Variants in CDK19 observed in about 807,000 individuals in gnomAD.
The protein encoded by CDK19 is cyclin dependent kinase 19, also known as cyclin-dependent kinase 19.
A neutral mutation model predicts 68.3 loss-of-function variants in CDK19; 20 were observed. The observed-to-expected ratio is 0.29, with a 90% CI of 0.21 to 0.43. The LOEUF is 0.43. Ranked by LOEUF, CDK19 falls within the 20% of genes least tolerant of loss-of-function variation. CDK19 has a pLI of 1.00. For missense variants in CDK19, 339 were observed against 623.5 expected, an observed-to-expected ratio of 0.54 and a Z score of 4.86; for synonymous variants, 221 against 222.8, an observed-to-expected ratio of 0.99 and a Z score of 0.07.
At chr6:110,758,003 G>A (rs962966970) in intron 1 of CDK19, among the ~76,000 whole-genome samples, 17 of 152,022 alleles carry the variant, frequency 1.1e-4, no homozygotes, top group Non-Finnish European at 2.5e-4. Context: ...ACCAGCCTGG[G>A]CAACGTGGCA....
At chr6:110,730,948 A>G (rs1306695205) in intron 2 of CDK19, among the ~76,000 whole-genome samples, 1 of 152,108 alleles carries the variant, frequency 6.6e-6, no homozygotes, top group Non-Finnish European at 1.5e-5. Flanking sequence ...GCTACTTGGG[A>G]GGCTGAGGCA....
chr6:110,707,166 T>C (rs958623550), intron 2 of CDK19, among the ~76,000 whole-genome samples: 1 of 151,678 alleles, frequency 6.6e-6, no homozygotes, highest in Non-Finnish European at 1.5e-5. Context: ...TGAAACCCCA[T>C]CTCTACTAAA....
intron 4 of CDK19, among the ~76,000 whole-genome samples, chr6:110,657,747 T>C (rs9487479): frequency 0.014 from 2,115 of 152,266 alleles, 54 homozygotes; most frequent in African/African-American, 0.048. Flanking sequence ...CACAGGCCAC[T>C]AAAACTTTAT....
chr6:110,815,091 C>G lies in CDK19; in HGVS notation c.46G>C (p.Val16Leu). 1 of 1,603,144 alleles carries G rather than the reference C, an allele frequency of 6.2e-7. No homozygotes were observed. Among genetic ancestry groups the G allele is most frequent in the Non-Finnish European group, 8.5e-7 (1 of 1,175,816 alleles). Reference sequence around the variant, plus strand: ...CCTTCGTACTCAAACAAATCCTCCACCCGCTCCCGCTCCGCCGCCAGCTTC... The same window carrying G: ...CCTTCGTACTCAAACAAATCCTCCAGCCGCTCCCGCTCCGCCGCCAGCTTC... ...KAKLAAERERVEDLFEYEGCK... is the reference protein window; with the variant it reads ...KAKLAAERERLEDLFEYEGCK... The change falls in exon 1 of 13, where the codon GTG (valine) becomes CTG (leucine). Residue 16 changes from valine (V) to leucine (L), a missense_variant. Physicochemically the swap from Val to Leu is conservative, Grantham distance 32. Transcript: ENST00000368911.
chr6:110,658,796 C>T (rs1294275045), intron 4 of CDK19, among the ~76,000 whole-genome samples: 4 of 151,946 alleles, frequency 2.6e-5, no homozygotes, highest in Non-Finnish European at 5.9e-5. Flanking sequence ...GAGTATGAGA[C>T]GACAGGCATT....
intron 2 of CDK19, among the ~76,000 whole-genome samples, chr6:110,701,099 G>C (rs1207102758): frequency 6.6e-6 from 1 of 152,156 alleles, no homozygotes; most frequent in South Asian, 2.1e-4. Flanking sequence ...AGCTACTCGG[G>C]AGGCTGAGGC....
chr6:110,645,110 CT>C (rs1041281299), intron 4 of CDK19, among the ~76,000 whole-genome samples: 33 of 152,086 alleles, frequency 2.2e-4, no homozygotes, highest in African/African-American at 8.0e-4. Flanking sequence ...CTAGGATGAT[CT>C]AGAGAGCATA....
intron 2 of CDK19, among the ~76,000 whole-genome samples, chr6:110,723,142 A>C (rs1562233849): frequency 9.9e-6 from 1 of 100,524 alleles, no homozygotes; most frequent in East Asian, 2.0e-4. Context: ...TGTCAAAAAA[A>C]ACAAAAAACA....
At chr6:110,648,964 G>A (rs894752804) in intron 4 of CDK19, among the ~76,000 whole-genome samples, 12 of 151,600 alleles carry the variant, frequency 7.9e-5, no homozygotes, top group Admixed American at 2.6e-4. Context: ...TGATCCGCTC[G>A]GCCTCCCAAA....
intron 2 of CDK19, among the ~76,000 whole-genome samples, chr6:110,713,680 A>C (rs1441026322): frequency 6.6e-6 from 1 of 152,158 alleles, no homozygotes; most frequent in African/African-American, 2.4e-5. Flanking sequence ...ATATTGAAAT[A>C]AAATTCCCTT....
In CDK19 at chr6:110,616,089, G is replaced by A. The variant is rs76844180; in HGVS notation, c.1378-1423C>T. 2.5e-3 allele frequency among the ~76,000 whole-genome samples: 374 copies of A among 152,266 alleles called. 2 individuals carry two copies. The highest frequency in any genetic ancestry group is 8.5e-3 in the African/African-American group (351 of 41,538). On this transcript the variant is annotated intron_variant, in intron 12 of 12. Coordinates refer to ENST00000368911, the MANE Select transcript of CDK19 (RefSeq NM_015076.5). ...ATCCTAGCCTCCAAATTTTGAGGAG[G>A]CTGATAATAAAACTCTGATGTCCCA... is the stretch of plus-strand genomic sequence containing the variant.
At chr6:110,814,853 G>C (rs906721784) in intron 1 of CDK19, 156 bp downstream of exon 1, 2 of 951,986 alleles carry the variant, frequency 2.1e-6, no homozygotes, top group Non-Finnish European at 1.6e-6. Flanking sequence ...CGGGCGGAAC[G>C]GGCGCCCCTC....
Position 110,815,155 on chromosome 6 carries a change from A to G in CDK19, c.-19T>C. 3.2e-6 allele frequency: 5 copies of G among 1,570,148 alleles called. No individual in the cohort carries two copies. Among genetic ancestry groups the G allele is most frequent in the Non-Finnish European group, 4.3e-6 (5 of 1,160,374 alleles). On this transcript the variant is annotated 5_prime_UTR_variant, in exon 1 of 13. Coordinates refer to ENST00000368911, the MANE Select transcript of CDK19 (RefSeq NM_015076.5). The stretch of plus-strand genomic sequence containing the variant: ...AATCCATTGTCTGCTTCCCCCATAG[A>G]GGCACGGGACGCGGGGGCCGCCGCC...
intron 2 of CDK19, among the ~76,000 whole-genome samples, chr6:110,673,983 C>G (rs1771250150): frequency 6.6e-6 from 1 of 152,128 alleles, no homozygotes; most frequent in Non-Finnish European, 1.5e-5. Flanking sequence ...TTGTGGCAAC[C>G]CTGCATCAAC....
At chr6:110,684,577 C>G (rs1772296272) in intron 2 of CDK19, among the ~76,000 whole-genome samples, 1 of 152,116 alleles carries the variant, frequency 6.6e-6, no homozygotes, top group Non-Finnish European at 1.5e-5. Context: ...CTCCATTCCA[C>G]AGTTTTTCTT....
chr6:110,686,632 C>T (rs1054583527), intron 2 of CDK19, among the ~76,000 whole-genome samples: 5 of 152,142 alleles, frequency 3.3e-5, no homozygotes, highest in African/African-American at 9.6e-5. Context: ...TTTTCAAACA[C>T]GTTGGTTAAA....
At chr6:110,785,824 T>C (rs1781173607) in intron 1 of CDK19, among the ~76,000 whole-genome samples, 1 of 151,940 alleles carries the variant, frequency 6.6e-6, no homozygotes, top group Non-Finnish European at 1.5e-5. Context: ...CTACTAAAAA[T>C]ACAAAATCAG....
chr6:110,792,841 T>A (rs1781694005), intron 1 of CDK19, among the ~76,000 whole-genome samples: 1 of 152,214 alleles, frequency 6.6e-6, no homozygotes, highest in South Asian at 2.1e-4. Flanking sequence ...GGGAAATTTA[T>A]CATTGAAACC....
chr6:110,635,871 T>C (rs2114735803), intron 5 of CDK19, among the ~76,000 whole-genome samples: 1 of 152,320 alleles, frequency 6.6e-6, no homozygotes, highest in East Asian at 1.9e-4. Context: ...AAAACAACAC[T>C]GTATCAAAGC....
Sources: gnomAD v4.1 joint callset for allele counts (sites outside exome capture counted in the v4.1 genomes callset) on GRCh38, gnomAD v4.1.1 for gene constraint, MANE v1.5 for transcripts, NCBI Gene and HGNC (gene_info 2026-07-23, HGNC 2026-07-21) for gene names.